PHF20: variants seen among roughly 807,000 people sequenced by gnomAD.
PHF20 encodes PHD finger protein 20.
PHF20 carries 23 observed loss-of-function variants against 113.5 expected under a neutral mutation model. The ratio of observed to expected loss-of-function variants is 0.20; its 90% CI spans 0.15 to 0.29. The LOEUF (loss-of-function observed/expected upper bound fraction) is 0.29, where lower values mean the gene tolerates loss of function less well. Among genes scored for constraint, PHF20 ranks in the 10% least tolerant of loss-of-function variants. The pLI is 1.00. For synonymous variants in PHF20, 434 were observed against 457.3 expected (o/e 0.95, Z 0.65); for missense variants, 943 against 1,219.6 (o/e 0.77, Z 3.38).
chr20:35,791,658 C>G (rs1446853871), intron 1 of PHF20, among the ~76,000 whole-genome samples: 1 of 150,666 alleles, frequency 6.6e-6, no homozygotes, highest in Non-Finnish European at 1.5e-5. Flanking sequence ...TGATTTGGAT[C>G]TGGGGAAGGT....
intron 2 of PHF20, among the ~76,000 whole-genome samples, chr20:35,803,374 A>G (rs1600752786): frequency 6.9e-6 from 1 of 145,174 alleles, no homozygotes; most frequent in South Asian, 2.2e-4. Flanking sequence ...TTCAGGCTGG[A>G]GTGTAGTGGC....
At chr20:35,843,805 C>T (rs1022362440) in intron 3 of PHF20, among the ~76,000 whole-genome samples, 4 of 152,062 alleles carry the variant, frequency 2.6e-5, no homozygotes, top group Non-Finnish European at 4.4e-5. Flanking sequence ...TCTTGAACTC[C>T]GGGCTCAAGT....
chr20:35,912,488 TTTATG>T (rs2147081358), intron 10 of PHF20, among the ~76,000 whole-genome samples: 1 of 152,186 alleles, frequency 6.6e-6, no homozygotes, highest in South Asian at 2.1e-4. Flanking sequence ...TAAAAATAAT[TTTATG>T]TTATATGAAT....
At chr20:35,817,238 G>C (rs1048822199) in intron 2 of PHF20, among the ~76,000 whole-genome samples, 6 of 151,626 alleles carry the variant, frequency 4.0e-5, no homozygotes, top group Non-Finnish European at 8.8e-5. Flanking sequence ...CCAGGCTGGA[G>C]TGCAATGGCG....
At chr20:35,853,214 T>G (rs1600828602) in intron 4 of PHF20, 1 of 119,428 alleles carries the variant, frequency 8.4e-6, no homozygotes, top group South Asian at 2.9e-4. Context: ...AGAGCAAGAC[T>G]CGTCTCAAAA....
chr20:35,819,512 C>G (rs564509965), intron 2 of PHF20, among the ~76,000 whole-genome samples: 28 of 152,200 alleles, frequency 1.8e-4, no homozygotes, highest in Non-Finnish European at 3.5e-4. Flanking sequence ...TAGTTCGCTT[C>G]CATTTCTTGT....
At chr20:35,916,702 A>C (rs781677009) in intron 12 of PHF20, among the ~76,000 whole-genome samples, 2 of 152,002 alleles carry the variant, frequency 1.3e-5, no homozygotes, top group Admixed American at 1.3e-4. Context: ...TCCTAGGCTC[A>C]AGTGATCGGC....
chr20:35,809,023 C>T (rs1242174300), intron 2 of PHF20, among the ~76,000 whole-genome samples: 5 of 151,030 alleles, frequency 3.3e-5, no homozygotes, highest in Admixed American at 6.6e-5. Context: ...GAGGCCAAGG[C>T]GGGTGGATCA....
intron 1 of PHF20, among the ~76,000 whole-genome samples, chr20:35,798,087 C>T (rs1364605819): frequency 1.3e-5 from 2 of 152,148 alleles, no homozygotes; most frequent in Non-Finnish European, 2.9e-5. Context: ...TCACCAATAA[C>T]CTATAACTTA....
intron 17 of PHF20, among the ~76,000 whole-genome samples, chr20:35,944,855 C>T (rs924110515): frequency 2.0e-5 from 3 of 152,178 alleles, no homozygotes; most frequent in Non-Finnish European, 4.4e-5. Context: ...GCGTGCACGT[C>T]CGGCCTCTCC....
chr20:35,904,150 C>T (rs1238290066), intron 10 of PHF20, among the ~76,000 whole-genome samples: 1 of 151,984 alleles, frequency 6.6e-6, no homozygotes, highest in East Asian at 1.9e-4. Flanking sequence ...ACCAGGCAGC[C>T]TGTGTTTTAG....
chr20:35,806,081 T>A (rs6060613), intron 2 of PHF20, among the ~76,000 whole-genome samples: 15,817 of 151,918 alleles, frequency 0.1, 860 homozygotes, highest in South Asian at 0.16. Flanking sequence ...GCCAGGATGG[T>A]CTGGAACTCC....
intron 1 of PHF20, among the ~76,000 whole-genome samples, chr20:35,779,490 A>G (rs2041241786): frequency 6.6e-6 from 1 of 151,178 alleles, no homozygotes; most frequent in Non-Finnish European, 1.5e-5. Context: ...CATATGGAAA[A>G]AGTCCATAGC....
At chr20:35,781,147 CTT>C (rs1050661297) in intron 1 of PHF20, among the ~76,000 whole-genome samples, 1 of 138,838 alleles carries the variant, frequency 7.2e-6, no homozygotes. Flanking sequence ...AGATTTTATT[CTT>C]TTTTTTTTTT....
At chr20:35,849,816 G>T (rs1244043377) in intron 4 of PHF20, among the ~76,000 whole-genome samples, 2 of 152,196 alleles carry the variant, frequency 1.3e-5, no homozygotes, top group African/African-American at 4.8e-5. Flanking sequence ...CCAGGAGGAG[G>T]CAGGGGATAT....
At chr20:35,919,010 G>T (rs2055458427) in intron 13 of PHF20, among the ~76,000 whole-genome samples, 1 of 151,978 alleles carries the variant, frequency 6.6e-6, no homozygotes. Flanking sequence ...GCATGGCATG[G>T]GTTTGGTTTT....
chr20:35,795,820 G>A (rs2041655488), intron 1 of PHF20, among the ~76,000 whole-genome samples: 1 of 151,920 alleles, frequency 6.6e-6, no homozygotes, highest in Non-Finnish European at 1.5e-5. Context: ...ATTTTTGTAA[G>A]GATTAAATTG....
intron 2 of PHF20, among the ~76,000 whole-genome samples, chr20:35,820,213 G>T (rs2042144144): frequency 6.6e-6 from 1 of 152,150 alleles, no homozygotes; most frequent in Non-Finnish European, 1.5e-5. Context: ...ACCCCTAGGG[G>T]AGAATAGTTA....
chr20:35,784,433 C>CTTTTTTTT, intron 1 of PHF20, among the ~76,000 whole-genome samples: 1 of 110,506 alleles, frequency 9.0e-6, no homozygotes, highest in Non-Finnish European at 1.7e-5. Flanking sequence ...ATCCCAAAGA[C>CTTTTTTTT]TTTTTTTTTT....
Sources: gnomAD v4.1 joint callset for allele counts (sites outside exome capture counted in the v4.1 genomes callset) on GRCh38, gnomAD v4.1.1 for gene constraint, MANE v1.5 for transcripts, NCBI Gene and HGNC (gene_info 2026-07-23, HGNC 2026-07-21) for gene names.